Variants in KIF22 observed in about 807,000 individuals in gnomAD.
KIF22 encodes kinesin-like protein KIF22.
In KIF22, 62 loss-of-function variants were observed where a neutral mutation model predicts 73.0. That is an observed-to-expected ratio of 0.85 (90% CI 0.69 to 1.05). The LOEUF is 1.05. Ranked by LOEUF, KIF22 falls within the 50% of genes least tolerant of loss-of-function variation. KIF22 has a pLI of 0.00. For synonymous variants in KIF22, 411 were observed against 340.1 expected (o/e 1.21, Z -2.29); for missense variants, 854 against 870.1 (o/e 0.98, Z 0.23).
Position 29,799,635 on chromosome 16 carries a change from T to C in KIF22, c.998T>C (p.Leu333Pro). ...GCCTGGTCTCACCCTCAGGACTCTC[T>C]GGGTGGCTCAGCCCACAGTATCCTT... ...SKLTRLLQDS[L>P]GGSAHSILIA... is the part of the protein sequence containing the mutation. Residue 333 changes from leucine (L) to proline (P), a missense_variant, in exon 7 of 14, where the codon CTG (leucine) becomes CCG (proline). Leu to Pro is a moderately conservative substitution (Grantham distance 98). This residue lies in a region of KIF22 where 245 missense variants were observed against 351.8 expected (regional missense o/e 0.70). Transcript: ENST00000160827. 1.2e-6 allele frequency: 2 copies of C among 1,614,068 alleles called. No homozygotes were observed. Among genetic ancestry groups the C allele is most frequent in the South Asian group, 2.2e-5 (2 of 91,060 alleles).
intron 1 of KIF22, 53 bp from the exon 2 acceptor site, chr16:29,796,840 C>T: frequency 1.3e-6 from 2 of 1,582,266 alleles, no homozygotes; most frequent in South Asian, 1.1e-5. Flanking sequence ...TTGGTCCCTG[C>T]TTCTTCTGCT....
intron 8 of KIF22, among the ~76,000 whole-genome samples, chr16:29,800,659 G>A (rs1359500603): frequency 6.6e-6 from 1 of 152,214 alleles, no homozygotes; most frequent in Non-Finnish European, 1.5e-5. Context: ...CAGCTACTCA[G>A]GAGGCTGAGG....
intron 8 of KIF22, 153 bp downstream of exon 8, chr16:29,800,201 C>A: frequency 1.1e-6 from 1 of 877,154 alleles, no homozygotes. Flanking sequence ...ACTCCTGTAA[C>A]CCCAGCACTT....
chr16:29,797,179 C>T lies in KIF22; in HGVS notation c.266+91C>T, dbSNP rs375049751. 9.9e-5 allele frequency: 95 copies of T among 962,298 alleles called. 2 individuals carry two copies. Among genetic ancestry groups the T allele is most frequent in the African/African-American group, 5.0e-4 (30 of 60,328 alleles). 59.6% of individuals were successfully genotyped at this position (962,298 alleles called of 1,614,324 possible). A position where few individuals can be genotyped will look rare whatever the true frequency, so the allele number is the denominator to read the frequency against. On this transcript the variant is annotated intron_variant, in intron 2 of 13. Transcript: ENST00000160827. The surrounding 1 kb of genome is among the most constrained non-coding windows in gnomAD (Gnocchi z 4.1). Reference sequence around the variant, plus strand: ...CCCTGCCTCCCCAGGATCCTTGCTCCCTCCTTAGCACCGCTTTGTTCCCTG... The same window carrying T: ...CCCTGCCTCCCCAGGATCCTTGCTCTCTCCTTAGCACCGCTTTGTTCCCTG...
chr16:29,798,289 C>G lies in KIF22; in HGVS notation c.267-85C>G. ...TCCAGATGAGAGTAGAATCCCTTAC[C>G]CACCCCCACCCCACTCCACCCCTTA... On this transcript the variant is annotated intron_variant, in intron 2 of 13. Transcript: ENST00000160827. This position sits in a 1 kb window ranked among gnomAD's most constrained non-coding sequence, Gnocchi z 4.1. 523 of 1,142,616 alleles carry G rather than the reference C, an allele frequency of 4.6e-4. No homozygotes were observed. The highest frequency in any genetic ancestry group is 6.9e-4 in the Middle Eastern group (2 of 2,912). The allele number at this position is 1,142,616 out of a possible 1,614,324, so 70.8% of individuals were successfully genotyped here. A position where few individuals can be genotyped will look rare whatever the true frequency, so the allele number is the denominator to read the frequency against.
chr16:29,805,023 C>T lies in KIF22; in HGVS notation c.1887C>T (p.Ser629=). 1 of 1,610,652 alleles carries T rather than the reference C, an allele frequency of 6.2e-7. No homozygotes were observed. Among genetic ancestry groups the T allele is most frequent in the Non-Finnish European group, 8.5e-7 (1 of 1,178,514 alleles). The change falls in exon 12 of 14, where the codon AGC becomes AGT. Residue 629 remains serine (S), a synonymous_variant. Coordinates refer to ENST00000160827, the MANE Select transcript of KIF22 (RefSeq NM_007317.3). ...GGCGGGAGCTCCACGGCCCCTTCAG[C>T]CAGGTAGCAGCCCACTGGACTGGGG... ...VGWRELHGPF[S]QVEDLERVEG...
chr16:29,798,840 G>C lies in KIF22; in HGVS notation c.549+93G>C. On this transcript the variant is annotated intron_variant, in intron 4 of 13. Transcript: ENST00000160827. This position sits in a 1 kb window ranked among gnomAD's most constrained non-coding sequence, Gnocchi z 4.1. ...AAGCTCTGCTGTAGCAGGGAGGTAA[G>C]GTGAGACCTAGAAAGACAGAGACTG... 1 of 1,558,842 alleles carries C rather than the reference G, an allele frequency of 6.4e-7. No individual in the cohort carries two copies. The highest frequency in any genetic ancestry group is 8.7e-7 in the Non-Finnish European group (1 of 1,142,860).
In KIF22 at chr16:29,798,990, G is replaced by A. The variant is rs773517779; in HGVS notation, c.565G>A (p.Asp189Asn). The change falls in exon 5 of 14, where the codon GAC becomes AAC. Residue 189 changes from aspartate (D) to asparagine (N), a missense_variant. By Grantham distance (23) the Asp-to-Asn change is conservative (BLOSUM62 1). Transcript: ENST00000160827. This position sits in a 1 kb window ranked among gnomAD's most constrained non-coding sequence, Gnocchi z 4.1. ...IYQEKVLDLL[D>N]PASGDLVIRE... is the part of the protein sequence containing the mutation. ...GCTTACACAGGTATTAGACCTCCTG[G>A]ACCCTGCTTCGGGAGACCTGGTAAT... The A allele has an allele frequency of 6.2e-7, 1 of 1,614,204 alleles. No homozygotes were observed. Among genetic ancestry groups the A allele is most frequent in the Admixed American group, 1.7e-5 (1 of 60,026 alleles).
intron 1 of KIF22, chr16:29,791,030 TC>T (rs1233533316): frequency 7.0e-7 from 1 of 1,431,116 alleles, no homozygotes; most frequent in African/African-American, 1.4e-5. Context: ...TTTCCTGCTC[TC>T]CCCTTGGGTC....
intron 1 of KIF22, among the ~76,000 whole-genome samples, chr16:29,794,096 T>A (rs1342898529): frequency 1.3e-5 from 2 of 152,202 alleles, no homozygotes; most frequent in Non-Finnish European, 2.9e-5. Flanking sequence ...CTAAACATTG[T>A]ATGTACATTA....
In KIF22 at chr16:29,798,775, A is replaced by C; in HGVS notation, c.549+28A>C. 6.2e-7 allele frequency: 1 copy of C among 1,608,050 alleles called. No homozygotes were observed. The highest frequency in any genetic ancestry group is 2.2e-5 in the East Asian group (1 of 44,808). On this transcript the variant is annotated intron_variant, in intron 4 of 13. Coordinates refer to ENST00000160827, the MANE Select transcript of KIF22 (RefSeq NM_007317.3). The surrounding 1 kb of genome is among the most constrained non-coding windows in gnomAD (Gnocchi z 4.1). Reference sequence around the variant, plus strand: ...GAGGCCCCGTGCTGGTTGGGAGAGGAGCAACAAAGGGTCAAAGTAAGACCT... The same window carrying C: ...GAGGCCCCGTGCTGGTTGGGAGAGGCGCAACAAAGGGTCAAAGTAAGACCT...
chr16:29,804,665 G>A, intron 11 of KIF22, 149 bp from the exon 12 acceptor site: 2 of 712,792 alleles, frequency 2.8e-6, no homozygotes, highest in Non-Finnish European at 5.1e-6. Context: ...AACCCAGAGA[G>A]TGACCTGAGG....
intron 8 of KIF22, among the ~76,000 whole-genome samples, chr16:29,802,249 CAG>C (rs1323812695): frequency 8.9e-6 from 1 of 112,448 alleles, no homozygotes; most frequent in Non-Finnish European, 1.7e-5. Flanking sequence ...GCCTGGGTGA[CAG>C]AGCAAGACCC....
Position 29,799,050 on chromosome 16 carries a change from G to A in KIF22, c.625G>A (p.Gly209Ser), listed in dbSNP as rs1288008374. The A allele has an allele frequency of 7.4e-6, 12 of 1,614,082 alleles. No individual in the cohort carries two copies. Among genetic ancestry groups the A allele is most frequent in the Non-Finnish European group, 1.0e-5 (12 of 1,180,042 alleles). ...CTGCCGGGGGAATATCCTGATTCCGGGTCTCTCCCAGAAGCCCATCAGTAG... is the reference window on the plus strand; with the variant it reads ...CTGCCGGGGGAATATCCTGATTCCGAGTCTCTCCCAGAAGCCCATCAGTAG... ...EDCRGNILIP[G>S]LSQKPISSFA... Residue 209 changes from glycine (G) to serine (S), a missense_variant, in exon 5 of 14, where the codon GGT (glycine) becomes AGT (serine). Gly to Ser is a moderately conservative substitution (Grantham distance 56). Coordinates refer to ENST00000160827, the MANE Select transcript of KIF22 (RefSeq NM_007317.3).
Position 29,804,041 on chromosome 16 carries a change from G to A in KIF22, c.1653G>A (p.Leu551=). The A allele has an allele frequency of 1.2e-6, 2 of 1,613,998 alleles. No homozygotes were observed. Among genetic ancestry groups the A allele is most frequent in the Non-Finnish European group, 1.7e-6 (2 of 1,179,898 alleles). Residue 551 remains leucine (L), a synonymous_variant, in exon 11 of 14, where the codon CTG becomes CTA. Coordinates refer to ENST00000160827, the MANE Select transcript of KIF22 (RefSeq NM_007317.3). ...CCCCAAATGCCGAGATCCACATCCTGAAGAATAAAGGCCGGAAGAGAAAGG... is the reference window on the plus strand; with the variant it reads ...CCCCAAATGCCGAGATCCACATCCTAAAGAATAAAGGCCGGAAGAGAAAGG... ...AASPNAEIHI[L]KNKGRKRKLE... is the part of the protein sequence containing the mutation.
intron 1 of KIF22, among the ~76,000 whole-genome samples, chr16:29,791,968 A>C (rs953226910): frequency 1.3e-5 from 2 of 152,204 alleles, no homozygotes; most frequent in Non-Finnish European, 2.9e-5. Context: ...AGAGTGTCAC[A>C]TACGTAGATG....
chr16:29,800,532 A>AG (rs1399563326), intron 8 of KIF22, among the ~76,000 whole-genome samples: 1 of 147,558 alleles, frequency 6.8e-6, no homozygotes, highest in Non-Finnish European at 1.5e-5. Context: ...TGGGAGGCCA[A>AG]GACGGGTGGA....
chr16:29,790,838 G>A lies in KIF22; in HGVS notation c.70+9G>A, dbSNP rs554841922. ...AGCGGCGGCGATCTCAGGTACTTGA[G>A]CCCGGCCTGGGCAAGGCGGGTACCG... On this transcript the variant is annotated intron_variant, in intron 1 of 13. Coordinates refer to ENST00000160827, the MANE Select transcript of KIF22 (RefSeq NM_007317.3). 1.3e-6 allele frequency: 2 copies of A among 1,597,934 alleles called. No homozygotes were observed. Among genetic ancestry groups the A allele is most frequent in the East Asian group, 2.3e-5 (1 of 44,244 alleles).
intron 8 of KIF22, among the ~76,000 whole-genome samples, chr16:29,800,831 A>C (rs1379776353): frequency 6.6e-6 from 1 of 152,198 alleles, no homozygotes; most frequent in East Asian, 1.9e-4. Flanking sequence ...CTAAAGTCTA[A>C]GATTAATCTC....
Sources: allele counts gnomAD v4.1 joint callset (sites outside exome capture counted in the v4.1 genomes callset), GRCh38; gene constraint gnomAD v4.1.1; regional missense constraint gnomAD v4.1.1; non-coding constraint Gnocchi (gnomAD v3.1); transcripts MANE v1.5; gene names NCBI Gene and HGNC (gene_info 2026-07-23, HGNC 2026-07-21).